The following FSD2 variants were observed in gnomAD, a reference collection of about 807,000 sequenced individuals.
FSD2 encodes the protein fibronectin type III and SPRY domain-containing protein 2.
FSD2 carries 71 observed loss-of-function variants against 80.4 expected under a neutral mutation model. The ratio of observed to expected loss-of-function variants is 0.88; its 90% CI spans 0.73 to 1.08. The LOEUF is 1.08. Ranked by LOEUF, FSD2 falls within the 50% of genes least tolerant of loss-of-function variation. The pLI is 0.00. For missense variants in FSD2, 923 were observed against 913.8 expected (o/e 1.01, Z -0.13); for synonymous variants, 361 against 329.5 (o/e 1.10, Z -1.03).
At position 82,787,255 on chromosome 15, in the gene FSD2, C is replaced by T; in HGVS notation, c.136G>A (p.Val46Ile). Residue 46 changes from valine to isoleucine, a missense_variant, in exon 2 of 13, where the codon GTA becomes ATA. Coordinates refer to ENST00000334574, the MANE Select transcript of FSD2 (RefSeq NM_001007122.4). ...TCATTGGCCATTTCAGCTTGGACTA[C>T]TTTCCTCATCCTAGTGTTCTCTTCT... Reference protein sequence around the residue: ...FPEENTRMRKVVQAEMANESR... With the variant: ...FPEENTRMRKIVQAEMANESR... The T allele has an allele frequency of 1.9e-6, 3 of 1,613,920 alleles. No homozygotes were observed. Among genetic ancestry groups the T allele is most frequent in the South Asian group, 2.2e-5 (2 of 91,078 alleles).
intron 11 of FSD2, 108 bp downstream of exon 11, chr15:82,765,058 A>C: frequency 7.6e-7 from 1 of 1,310,372 alleles, no homozygotes; most frequent in Non-Finnish European, 1.0e-6. Flanking sequence ...CATTTGTAGG[A>C]TTCCTTTTCC....
chr15:82,789,377 T>TAAC (rs1018111386), intron 1 of FSD2, among the ~76,000 whole-genome samples: 9 of 151,360 alleles, frequency 5.9e-5, no homozygotes, highest in African/African-American at 2.2e-4. Context: ...ATAATAATAA[T>TAAC]AATAGTAAAT....
chr15:82,768,959 A>G lies in FSD2; in HGVS notation c.1474T>C (p.Ser492Pro), dbSNP rs1197395423. The part of the protein sequence containing the change: ...CEEAVLICWE[S>P]GNLNPVDSYT... The stretch of plus-strand genomic sequence containing the variant: ...GAGTCCACAGGATTCAGGTTCCCAG[A>G]CTCCCAGCAAATCAGCACAGCCTCT... The change falls in exon 9 of 13, where the codon TCT becomes CCT. Residue 492 changes from serine (S) to proline (P), a missense_variant. Coordinates refer to ENST00000334574, the MANE Select transcript of FSD2 (RefSeq NM_001007122.4). The G allele has an allele frequency of 1.2e-6, 2 of 1,607,402 alleles. No homozygotes were observed. Among genetic ancestry groups the G allele is most frequent in the Non-Finnish European group, 1.7e-6 (2 of 1,177,112 alleles).
At position 82,786,805 on chromosome 15, in the gene FSD2, C is replaced by T. The variant is rs2050009765; in HGVS notation, c.586G>A (p.Glu196Lys). ...PIRAFQKVFD[E>K]HKEHEVIPLN... is the part of the protein sequence containing the mutation. The stretch of plus-strand genomic sequence containing the variant: ...GGGATCACTTCATGCTCCTTATGTT[C>T]ATCAAAAACCTTCTGAAAAGCTCTT... The change falls in exon 2 of 13, where the codon GAA becomes AAA. Residue 196 changes from glutamate to lysine, a missense_variant. Glu to Lys is a moderately conservative substitution (Grantham distance 56). Coordinates refer to ENST00000334574, the MANE Select transcript of FSD2 (RefSeq NM_001007122.4). 1.9e-6 allele frequency: 3 copies of T among 1,614,018 alleles called. 1 individual carries two copies. The highest frequency in any genetic ancestry group is 2.2e-5 in the South Asian group (2 of 91,076).
chr15:82,785,315 ATTTATTTAT>A (rs1470847848), intron 3 of FSD2, among the ~76,000 whole-genome samples: 3 of 144,220 alleles, frequency 2.1e-5, no homozygotes, highest in Non-Finnish European at 4.6e-5. Flanking sequence ...TTATTTATTT[ATTTATTTAT>A]TTATTTATTT....
chr15:82,782,113 T>C (rs1408436541), intron 4 of FSD2, among the ~76,000 whole-genome samples: 3 of 134,698 alleles, frequency 2.2e-5, no homozygotes, highest in Non-Finnish European at 4.8e-5. Context: ...ATAAAACTCT[T>C]GGCCGGGCAT....
At chr15:82,801,810 A>G (rs1189196243) in intron 1 of FSD2, among the ~76,000 whole-genome samples, 1 of 152,192 alleles carries the variant, frequency 6.6e-6, no homozygotes, top group East Asian at 1.9e-4. Context: ...TGAGGCTGAG[A>G]TACCATGACC....
intron 1 of FSD2, 55 bp from the exon 2 acceptor site, chr15:82,787,523 T>C (rs1484052488): frequency 3.7e-6 from 3 of 802,804 alleles, no homozygotes; most frequent in Non-Finnish European, 5.9e-6. Context: ...TTGCAGTAGA[T>C]GATCATTAGA....
At chr15:82,773,627 T>C (rs2049640964) in intron 6 of FSD2, among the ~76,000 whole-genome samples, 1 of 152,166 alleles carries the variant, frequency 6.6e-6, no homozygotes, top group African/African-American at 2.4e-5. Context: ...CATTCCTAGA[T>C]GGGGAAAAGA....
chr15:82,775,729 G>A (rs1421875727), intron 6 of FSD2, among the ~76,000 whole-genome samples: 1 of 152,144 alleles, frequency 6.6e-6, no homozygotes, highest in Non-Finnish European at 1.5e-5. Context: ...TGTAAAGTTA[G>A]GTTGTTTATA....
Position 82,783,034 on chromosome 15 carries a change from C to T in FSD2, c.736-9G>A. 6.4e-7 allele frequency: 1 copy of T among 1,562,890 alleles called. No homozygotes were observed. Reference sequence around the variant, plus strand: ...TGTTTTCCAAAATTCTCCTGCAAGACAGTTGATCTCAGTCATCATTTCAGC... The same window carrying T: ...TGTTTTCCAAAATTCTCCTGCAAGATAGTTGATCTCAGTCATCATTTCAGC... On this transcript the variant is annotated splice_polypyrimidine_tract_variant and intron_variant, in intron 3 of 12. Transcript: ENST00000334574.
intron 9 of FSD2, among the ~76,000 whole-genome samples, chr15:82,768,305 C>A (rs559817542): frequency 1.3e-5 from 2 of 152,242 alleles, no homozygotes; most frequent in Non-Finnish European, 2.9e-5. Context: ...CCCCCTCCCC[C>A]CGAAGCACCC....
In FSD2 at chr15:82,786,802, G is replaced by A; in HGVS notation, c.589C>T (p.His197Tyr). The A allele has an allele frequency of 6.2e-7, 1 of 1,613,998 alleles. No homozygotes were observed. Among genetic ancestry groups the A allele is most frequent in the East Asian group, 2.2e-5 (1 of 44,884 alleles). The change falls in exon 2 of 13, where the codon CAT (histidine) becomes TAT (tyrosine). Residue 197 changes from histidine (H) to tyrosine (Y), a missense_variant. By Grantham distance (83) the His-to-Tyr change is moderately conservative. Coordinates refer to ENST00000334574, the MANE Select transcript of FSD2 (RefSeq NM_001007122.4). ...IRAFQKVFDE[H>Y]KEHEVIPLNE... ...AGTGGGATCACTTCATGCTCCTTAT[G>A]TTCATCAAAAACCTTCTGAAAAGCT...
In FSD2 at chr15:82,755,545, A is replaced by G. The variant is rs1341219534; in HGVS notation, c.*3803T>C. ...GTCTGGGAAAATGAAAAAGCAATCA[A>G]TTAGTGAGTTGGGCTTAATTTTTTT... On this transcript the variant is annotated 3_prime_UTR_variant, in exon 13 of 13. Transcript: ENST00000334574. 1 of 151,872 alleles carries G rather than the reference A, an allele frequency of 6.6e-6. No homozygotes were observed. The highest frequency in any genetic ancestry group is 1.9e-4 in the East Asian group (1 of 5,198). The allele number at this position is 151,872 out of a possible 1,614,324, so 9.4% of individuals were successfully genotyped here. A position where few individuals can be genotyped will look rare whatever the true frequency, so the allele number is the denominator to read the frequency against.
chr15:82,798,102 G>A (rs2050322662), intron 1 of FSD2, among the ~76,000 whole-genome samples: 2 of 152,082 alleles, frequency 1.3e-5, no homozygotes, highest in Admixed American at 1.3e-4. Flanking sequence ...ACTTTGGGAG[G>A]CAAAGGTGGG....
chr15:82,769,882 ACT>A lies in FSD2; in HGVS notation c.1268_1269del (p.Glu423ValfsTer22). The A allele has an allele frequency of 6.2e-7, 1 of 1,613,416 alleles. No homozygotes were observed. The highest frequency in any genetic ancestry group is 8.5e-7 in the Non-Finnish European group (1 of 1,179,598). On this transcript the variant is annotated frameshift_variant and splice_region_variant, in exon 8 of 13. Coordinates refer to ENST00000334574, the MANE Select transcript of FSD2 (RefSeq NM_001007122.4). LOFTEE classifies it high-confidence loss of function. ...TATGTTTCTTTGACAGTCACTGTAA[ACT>A]CTGGGGAAAAAAAAAGATAAGAATT... The part of the protein sequence containing the change: ...QDSSPGTDQA[E>X]FTVTVKETYC...
rs2049217718 is a variant in FSD2, at chr15:82,758,484, C to T, written c.*864G>A. 1 of 153,194 alleles carries T rather than the reference C, an allele frequency of 6.5e-6. No individual in the cohort carries two copies. Among genetic ancestry groups the T allele is most frequent in the Non-Finnish European group, 1.5e-5 (1 of 68,044 alleles). 9.5% of individuals were successfully genotyped at this position (153,194 alleles called of 1,614,324 possible). A position where few individuals can be genotyped will look rare whatever the true frequency, so the allele number is the denominator to read the frequency against. On this transcript the variant is annotated 3_prime_UTR_variant, in exon 13 of 13. Transcript: ENST00000334574. ...CTTTTAAAAAATTGTTGTGCATTTG[C>T]TAATATGCCACAGATGCCCTTCTGT...
chr15:82,792,166 T>C (rs927661737), intron 1 of FSD2, among the ~76,000 whole-genome samples: 1 of 152,232 alleles, frequency 6.6e-6, no homozygotes, highest in Admixed American at 6.5e-5. Context: ...TGGTAACTTA[T>C]GTTTAACTTT....
intron 11 of FSD2, among the ~76,000 whole-genome samples, chr15:82,763,576 G>A (rs1248134131): frequency 3.9e-5 from 6 of 152,106 alleles, no homozygotes. Flanking sequence ...TGAGCACCTA[G>A]CCTTGTTGGT....
Sources: allele counts gnomAD v4.1 joint callset (sites outside exome capture counted in the v4.1 genomes callset), GRCh38; gene constraint gnomAD v4.1.1; transcripts MANE v1.5; gene names NCBI Gene and HGNC (gene_info 2026-07-23, HGNC 2026-07-21).